Variants in CHD9 observed in about 807,000 individuals in gnomAD.
The protein encoded by CHD9 is ATP-dependent chromatin remodeler CHD9.
CHD9 carries 77 observed loss-of-function variants against 316.1 expected under a neutral mutation model. The observed-to-expected ratio is 0.24, with a 90% CI of 0.20 to 0.29. CHD9 has a LOEUF of 0.29. CHD9 is among the 10% of genes least tolerant of loss of function. CHD9 has a pLI of 1.00. For synonymous variants in CHD9, 1,129 were observed against 1,158.3 expected (o/e 0.97, Z 0.51); for missense variants, 2,763 against 3,438.1 (o/e 0.80, Z 4.91).
intron 1 of CHD9, among the ~76,000 whole-genome samples, chr16:53,079,379 G>C (rs2034821560): frequency 6.6e-6 from 1 of 152,192 alleles, no homozygotes; most frequent in Non-Finnish European, 1.5e-5. Context: ...AGCATAAAAT[G>C]CTTCAACAGA....
At chr16:53,086,643 A>ATG (rs1224513130) in intron 1 of CHD9, among the ~76,000 whole-genome samples, 6 of 152,248 alleles carry the variant, frequency 3.9e-5, no homozygotes, top group Non-Finnish European at 7.3e-5. Context: ...CATATAAGAT[A>ATG]TGTGTGAAAG....
Position 53,184,986 on chromosome 16 carries a change from G to A in CHD9, c.1453-24496G>A, listed in dbSNP as rs866871664. On this transcript the variant is annotated intron_variant, in intron 2 of 38. Transcript: ENST00000447540. ...TTTCTTGAGGCCTCCCCAGCTCTCC[G>A]AAACTGTGAGTCAACTAAACCTCTT... Among the ~76,000 whole-genome samples the A allele has an allele frequency of 1.1e-4, 16 of 152,146 alleles. No homozygotes were observed. The East Asian group carries it at 1.2e-3, about 11-fold the overall frequency.
chr16:53,196,281 C>G (rs2044911211), intron 2 of CHD9, among the ~76,000 whole-genome samples: 1 of 152,130 alleles, frequency 6.6e-6, no homozygotes, highest in South Asian at 2.1e-4. Context: ...CAGTTTGGTT[C>G]CATCACGACA....
chr16:53,090,865 C>A (rs572147819), intron 1 of CHD9, among the ~76,000 whole-genome samples: 1 of 152,098 alleles, frequency 6.6e-6, no homozygotes, highest in African/African-American at 2.4e-5. Context: ...GAGTCTGGCT[C>A]AAAGTTCAAA....
intron 1 of CHD9, among the ~76,000 whole-genome samples, chr16:53,119,457 T>C (rs1190141307): frequency 6.6e-6 from 1 of 152,168 alleles, no homozygotes; most frequent in Non-Finnish European, 1.5e-5. Flanking sequence ...GCTCTTCCCA[T>C]GATCCAAGTA....
intron 2 of CHD9, among the ~76,000 whole-genome samples, chr16:53,165,812 G>A (rs1375014984): frequency 1.3e-5 from 2 of 151,956 alleles, no homozygotes; most frequent in Non-Finnish European, 2.9e-5. Context: ...AGTCAAAAAA[G>A]CATCAGATGT....
intron 24 of CHD9, among the ~76,000 whole-genome samples, chr16:53,275,137 T>C (rs1382144982): frequency 2.6e-5 from 4 of 152,138 alleles, no homozygotes; most frequent in Admixed American, 2.0e-4. Flanking sequence ...GTGCAAGTGA[T>C]TCTTGTGCCT....
chr16:53,128,732 C>A (rs62047986), intron 1 of CHD9, among the ~76,000 whole-genome samples: 1 of 152,194 alleles, frequency 6.6e-6, no homozygotes, highest in African/African-American at 2.4e-5. Flanking sequence ...TCAGAAACCA[C>A]AGTTACTGAG....
At chr16:53,182,817 A>G (rs960167642) in intron 2 of CHD9, among the ~76,000 whole-genome samples, 5 of 152,192 alleles carry the variant, frequency 3.3e-5, no homozygotes, top group African/African-American at 1.2e-4. Context: ...TCTTTTAAGA[A>G]AGGAATGAAT....
In CHD9 at chr16:53,307,921, C is replaced by G. The variant is rs371858680; in HGVS notation, c.7021C>G (p.Arg2341Gly). Residue 2341 changes from arginine (R) to glycine (G), a missense_variant, in exon 33 of 39, where the codon CGA (arginine) becomes GGA (glycine). Physicochemically the swap from Arg to Gly is moderately radical, Grantham distance 125. Transcript: ENST00000447540. ...TQMSKVKKHV[R>G]EKEFTVKIKD... The stretch of plus-strand genomic sequence containing the variant: ...GATGTCAAAGGTGAAGAAGCATGTA[C>G]GAGAAAAGGAGTTTACAGTGAAAAT... 1 of 1,611,644 alleles carries G rather than the reference C, an allele frequency of 6.2e-7. No homozygotes were observed. Among genetic ancestry groups the G allele is most frequent in the Admixed American group, 1.7e-5 (1 of 59,572 alleles).
intron 2 of CHD9, among the ~76,000 whole-genome samples, chr16:53,172,488 A>T (rs1421089479): frequency 6.6e-6 from 1 of 152,218 alleles, no homozygotes; most frequent in African/African-American, 2.4e-5. Flanking sequence ...GAACATTTTT[A>T]TGTAGTCTTG....
At chr16:53,320,807 GA>G (rs1348359983) in intron 37 of CHD9, among the ~76,000 whole-genome samples, 1 of 151,990 alleles carries the variant, frequency 6.6e-6, no homozygotes, top group Non-Finnish European at 1.5e-5. Context: ...CTTCACATAT[GA>G]AAGATATATA....
intron 1 of CHD9, among the ~76,000 whole-genome samples, chr16:53,119,526 G>C (rs892088460): frequency 6.6e-6 from 1 of 152,064 alleles, no homozygotes; most frequent in Non-Finnish European, 1.5e-5. Context: ...TATAAGCATG[G>C]CTATCAAGTA....
intron 1 of CHD9, among the ~76,000 whole-genome samples, chr16:53,129,544 T>G (rs1449302035): frequency 1.3e-5 from 2 of 152,208 alleles, no homozygotes; most frequent in African/African-American, 4.8e-5. Context: ...AGAATGAAAT[T>G]ACTTGGCAAA....
At chr16:53,232,508 T>C (rs1291193784) in intron 10 of CHD9, among the ~76,000 whole-genome samples, 1 of 152,212 alleles carries the variant, frequency 6.6e-6, no homozygotes, top group Non-Finnish European at 1.5e-5. Flanking sequence ...AGGGCTAGTC[T>C]GTCATGGTTA....
intron 2 of CHD9, among the ~76,000 whole-genome samples, chr16:53,201,275 TG>T (rs1193627131): frequency 6.6e-6 from 1 of 152,254 alleles, no homozygotes; most frequent in Non-Finnish European, 1.5e-5. Flanking sequence ...CAAGTTTGCT[TG>T]GAAAAGTACT....
At chr16:53,237,465 T>C (rs1358805298) in intron 11 of CHD9, among the ~76,000 whole-genome samples, 1 of 152,152 alleles carries the variant, frequency 6.6e-6, no homozygotes. Context: ...CATTGCATAA[T>C]AGAATGGCAA....
At chr16:53,150,255 T>C (rs1052211898) in intron 1 of CHD9, among the ~76,000 whole-genome samples, 3 of 152,054 alleles carry the variant, frequency 2.0e-5, no homozygotes, top group Non-Finnish European at 2.9e-5. Context: ...GATTTCCTTC[T>C]TTCCTTTTCT....
chr16:53,085,347 A>G (rs1283878686), intron 1 of CHD9, among the ~76,000 whole-genome samples: 1 of 151,712 alleles, frequency 6.6e-6, no homozygotes, highest in East Asian at 1.9e-4. Flanking sequence ...TTACCCCCAG[A>G]CCCAGCCTGC....
Sources: gnomAD v4.1 joint callset for allele counts (sites outside exome capture counted in the v4.1 genomes callset) on GRCh38, gnomAD v4.1.1 for gene constraint, MANE v1.5 for transcripts, NCBI Gene and HGNC (gene_info 2026-07-23, HGNC 2026-07-21) for gene names.